CTXN3: variants seen among roughly 807,000 people sequenced by gnomAD.
CTXN3 encodes the protein cortexin-3.
In CTXN3, 4 loss-of-function variants were observed where a neutral mutation model predicts 5.0. The observed-to-expected ratio is 0.79, with a 90% CI of 0.39 to 1.82. The LOEUF is 1.82. Ranked by LOEUF, CTXN3 falls within the 40% of genes most tolerant of loss-of-function variation. The probability of loss-of-function intolerance (pLI) is 0.04; values close to 1 mark genes in which losing one functional copy is unlikely to be tolerated. For missense variants in CTXN3, 89 were observed against 99.7 expected (o/e 0.89, Z 0.46); for synonymous variants, 48 against 38.6 (o/e 1.24, Z -0.91).
At chr5:127,653,044 A>G (rs1309406960) in intron 1 of CTXN3, 1 of 152,142 alleles carries the variant, frequency 6.6e-6, no homozygotes, top group Non-Finnish European at 1.5e-5. Flanking sequence ...GAGTGGTGAG[A>G]TCTGGGCTTA....
chr5:127,654,745 T>C (rs1423884530), intron 2 of CTXN3, among the ~76,000 whole-genome samples: 1 of 151,988 alleles, frequency 6.6e-6, no homozygotes, highest in Non-Finnish European at 1.5e-5. Context: ...GCTCATCAAG[T>C]GGAGATCCCC....
At chr5:127,657,066 G>A (rs994700869) in intron 2 of CTXN3, among the ~76,000 whole-genome samples, 4 of 152,210 alleles carry the variant, frequency 2.6e-5, no homozygotes, top group African/African-American at 9.6e-5. Flanking sequence ...AGAACAATGT[G>A]AGAGTAATAT....
intron 2 of CTXN3, among the ~76,000 whole-genome samples, chr5:127,654,833 T>C (rs1323378785): frequency 6.6e-6 from 1 of 152,210 alleles, no homozygotes; most frequent in Non-Finnish European, 1.5e-5. Context: ...TCTCAAGGAC[T>C]CAAAAGGTTC....
intron 1 of CTXN3, chr5:127,652,123 C>T (rs1235508932): frequency 6.6e-6 from 1 of 152,168 alleles, no homozygotes; most frequent in Non-Finnish European, 1.5e-5. Flanking sequence ...TCAGATTCCA[C>T]CCATCAACAC....
At chr5:127,653,290 T>C (rs1201791640) in intron 1 of CTXN3, 27 bp from the exon 2 acceptor site, 1 of 152,224 alleles carries the variant, frequency 6.6e-6, no homozygotes, top group Non-Finnish European at 1.5e-5. Context: ...GGGTATCTTT[T>C]AATTAAGGTT....
chr5:127,650,716 A>T (rs1194135259), intron 1 of CTXN3, among the ~76,000 whole-genome samples: 1 of 152,186 alleles, frequency 6.6e-6, no homozygotes, highest in Non-Finnish European at 1.5e-5. Flanking sequence ...TTTGTAGGGG[A>T]ATAATATTTG....
chr5:127,650,148 C>G (rs1449803280), intron 1 of CTXN3, among the ~76,000 whole-genome samples: 1 of 152,056 alleles, frequency 6.6e-6, no homozygotes, highest in Non-Finnish European at 1.5e-5. Context: ...ACAAAGGTCT[C>G]CTGCTGACCC....
At chr5:127,653,708 C>T (rs1415156937) in intron 2 of CTXN3, 3 of 152,128 alleles carry the variant, frequency 2.0e-5, no homozygotes, top group Non-Finnish European at 4.4e-5. Context: ...ATTTCTTTTT[C>T]TCCACCTTAT....
intron 2 of CTXN3, among the ~76,000 whole-genome samples, chr5:127,656,254 A>G (rs1644606991): frequency 6.6e-6 from 1 of 152,192 alleles, no homozygotes; most frequent in Non-Finnish European, 1.5e-5. Context: ...TGATTTAAGT[A>G]GATTTCGTTC....
chr5:127,652,735 A>G (rs1394084331), intron 1 of CTXN3, among the ~76,000 whole-genome samples: 1 of 152,192 alleles, frequency 6.6e-6, no homozygotes, highest in Non-Finnish European at 1.5e-5. Context: ...TGGAGGTGTT[A>G]GAGCACAGCA....
rs761841777 is a variant in CTXN3, at chr5:127,657,741, G to A, written c.220G>A (p.Gly74Arg). 19 of 1,614,168 alleles carry A rather than the reference G, an allele frequency of 1.2e-5. No homozygotes were observed. Among genetic ancestry groups the A allele is most frequent in the South Asian group, 3.3e-5 (3 of 91,074 alleles). Residue 74 changes from glycine to arginine, a missense_variant, in exon 3 of 3, where the codon GGG becomes AGG. Gly to Arg is a moderately radical substitution (Grantham distance 125). Transcript: ENST00000379445. ...TGATGGACTTGAAGGCCTGGAGAAAGGGCAGTTCGACCATGCCCTTGCTTA... is the reference window on the plus strand; with the variant it reads ...TGATGGACTTGAAGGCCTGGAGAAAAGGCAGTTCGACCATGCCCTTGCTTA... ...WADGLEGLEK[G>R]QFDHALA is the part of the protein sequence containing the mutation.
intron 2 of CTXN3, among the ~76,000 whole-genome samples, chr5:127,655,471 G>A (rs2126742801): frequency 6.6e-6 from 1 of 152,328 alleles, no homozygotes; most frequent in African/African-American, 2.4e-5. Flanking sequence ...GATGGCCTCA[G>A]CATCTGCTCC....
rs375998768 is a variant in CTXN3 at position 127,654,691 on chromosome 5, T to C, written c.-100+1268T>C. 1.4e-4 allele frequency among the ~76,000 whole-genome samples: 21 copies of C among 152,264 alleles called. No individual in the cohort carries two copies. The South Asian group carries it at 2.3e-3, about 17-fold the overall frequency. ...AGAAGGATTTGGCATTTGCCCTGTA[T>C]GGAAGAGAAGGCTGGGGAAGACTAC... On this transcript the variant is annotated intron_variant, in intron 2 of 2. Coordinates refer to ENST00000379445, the MANE Select transcript of CTXN3 (RefSeq NM_001048252.3).
chr5:127,657,317 A>C, intron 2 of CTXN3, 106 bp from the exon 3 acceptor site: 1 of 567,924 alleles, frequency 1.8e-6, no homozygotes, highest in Non-Finnish European at 3.1e-6. Context: ...TGAAAAAGAA[A>C]GCTGGTTTAC....
At chr5:127,657,280 T>A (rs1322763282) in intron 2 of CTXN3, 143 bp from the exon 3 acceptor site, 18 of 499,546 alleles carry the variant, frequency 3.6e-5, no homozygotes, top group Non-Finnish European at 1.4e-5. Flanking sequence ...TCTTTCCCGA[T>A]AATTATACAG....
rs116555215 is a variant in CTXN3, at chr5:127,649,904, C to T, written c.-207+516C>T. Among the ~76,000 whole-genome samples the T allele has an allele frequency of 6.2e-3, 946 of 152,128 alleles. 12 individuals carry two copies. Among genetic ancestry groups the T allele is most frequent in the African/African-American group, 0.022 (896 of 41,508 alleles). On this transcript the variant is annotated intron_variant, in intron 1 of 2. Transcript: ENST00000379445. ...TCACTATGAAACACACAAAGAAAGA[C>T]AAAGAAAACCAGGTGGAACAGTAGG...
chr5:127,656,917 C>T (rs1161308414), intron 2 of CTXN3, among the ~76,000 whole-genome samples: 4 of 152,150 alleles, frequency 2.6e-5, no homozygotes, highest in Non-Finnish European at 4.4e-5. Flanking sequence ...TTTTAAGCAC[C>T]TTTTCTAGCC....
chr5:127,656,783 T>C (rs906511836), intron 2 of CTXN3, among the ~76,000 whole-genome samples: 1 of 152,156 alleles, frequency 6.6e-6, no homozygotes, highest in South Asian at 2.1e-4. Flanking sequence ...TACAGCACCA[T>C]GAAAGATGCA....
At chr5:127,650,885 C>A (rs1415972850) in intron 1 of CTXN3, among the ~76,000 whole-genome samples, 3 of 152,068 alleles carry the variant, frequency 2.0e-5, no homozygotes, top group Non-Finnish European at 4.4e-5. Flanking sequence ...TACAGTTATA[C>A]AAACAGGAAT....
Sources: gnomAD v4.1 joint callset for allele counts (sites outside exome capture counted in the v4.1 genomes callset) on GRCh38, gnomAD v4.1.1 for gene constraint, MANE v1.5 for transcripts, NCBI Gene and HGNC (gene_info 2026-07-23, HGNC 2026-07-21) for gene names.